UGT1A8: variants seen among roughly 807,000 people sequenced by gnomAD.
The protein encoded by UGT1A8 is UDP-glucuronosyltransferase 1A8.
A neutral mutation model predicts 45.3 loss-of-function variants in UGT1A8; 39 were observed. The observed-to-expected ratio is 0.86, with a 90% CI of 0.67 to 1.12. The LOEUF is 1.12. UGT1A8 is among the 50% of genes most tolerant of loss of function. The probability of loss-of-function intolerance (pLI) is 0.00; values close to 1 mark genes in which losing one functional copy is unlikely to be tolerated. For synonymous variants in UGT1A8, 275 were observed against 249.2 expected, an observed-to-expected ratio of 1.10 and a Z score of -0.97; for missense variants, 719 against 664.9, an observed-to-expected ratio of 1.08 and a Z score of -0.90.
Position 233,633,420 on chromosome 2 carries a change from G to C in UGT1A8, c.855+14858G>C, listed in dbSNP as rs550495858. 2.4e-4 allele frequency among the ~76,000 whole-genome samples: 37 copies of C among 152,280 alleles called. No individual in the cohort carries two copies. In the South Asian group the frequency reaches 7.7e-3, roughly 32 times the overall value. On this transcript the variant is annotated intron_variant, in intron 1 of 4. Coordinates refer to ENST00000373450, the MANE Select transcript of UGT1A8 (RefSeq NM_019076.5). ...CTCTTTGTACCTCTGGTAGAGTTCG[G>C]CTGTGAACTCATCTGGTCCTGGGTG...
rs1044101669 is a variant in UGT1A8, at chr2:233,635,826, C to G, written c.855+17264C>G. Among the ~76,000 whole-genome samples, 11 of 150,962 alleles carry G rather than the reference C, an allele frequency of 7.3e-5. 1 individual carries two copies. The highest frequency in any genetic ancestry group is 4.4e-5 in the Non-Finnish European group (3 of 67,924). On this transcript the variant is annotated intron_variant, in intron 1 of 4. Coordinates refer to ENST00000373450, the MANE Select transcript of UGT1A8 (RefSeq NM_019076.5). ...GCCCAGCAGAGTGTTCGCACAAGGA[C>G]TGGGCCAGCAACTCCCCACTGCATG...
chr2:233,622,082 A>G (rs1452084754), intron 1 of UGT1A8, among the ~76,000 whole-genome samples: 1 of 152,210 alleles, frequency 6.6e-6, no homozygotes, highest in African/African-American at 2.4e-5. Context: ...ATGGCTGCAT[A>G]GTATTCCATG....
At chr2:233,733,152 T>G (rs1034530556) in intron 1 of UGT1A8, among the ~76,000 whole-genome samples, 15 of 152,252 alleles carry the variant, frequency 9.9e-5, no homozygotes, top group African/African-American at 3.4e-4. Context: ...TTTTGCACAT[T>G]GATTTTGTAT....
At chr2:233,764,352 G>A (rs1698541814) in intron 1 of UGT1A8, among the ~76,000 whole-genome samples, 1 of 152,214 alleles carries the variant, frequency 6.6e-6, no homozygotes, top group Admixed American at 6.5e-5. Context: ...CCTTTATTGA[G>A]CCTCATAGTA....
intron 1 of UGT1A8, among the ~76,000 whole-genome samples, chr2:233,738,670 T>G (rs377285735): frequency 6.6e-6 from 1 of 152,186 alleles, no homozygotes; most frequent in African/African-American, 2.4e-5. Flanking sequence ...TTGAGAGAGA[T>G]GATCTGAAAT....
chr2:233,632,658 T>C (rs926580527), intron 1 of UGT1A8, among the ~76,000 whole-genome samples: 1 of 152,204 alleles, frequency 6.6e-6, no homozygotes, highest in Non-Finnish European at 1.5e-5. Flanking sequence ...ATAGGAATGC[T>C]TGTGATTTTT....
At chr2:233,771,789 T>TCCCA (rs1282834982) in intron 4 of UGT1A8, among the ~76,000 whole-genome samples, 7 of 144,234 alleles carry the variant, frequency 4.9e-5, no homozygotes, top group East Asian at 4.5e-4. Flanking sequence ...CCTCTCTCCC[T>TCCCA]CCCTCCCTCC....
rs1410118930 is a variant in UGT1A8 at position 233,618,387 on chromosome 2, C to T, written c.680C>T (p.Ala227Val). 6.2e-7 allele frequency: 1 copy of T among 1,613,866 alleles called. No individual in the cohort carries two copies. The highest frequency in any genetic ancestry group is 1.3e-5 in the African/African-American group (1 of 75,014). Residue 227 changes from alanine to valine, a missense_variant, in exon 1 of 5, where the codon GCC becomes GTC. By Grantham distance (64) the Ala-to-Val change is moderately conservative (BLOSUM62 0). Coordinates refer to ENST00000373450, the MANE Select transcript of UGT1A8 (RefSeq NM_019076.5). ...TTTTGCCAGTATTTTTCCAAAAATGCCCTAGAAATAGCCTCTGAAATTCTC... is the reference window on the plus strand; with the variant it reads ...TTTTGCCAGTATTTTTCCAAAAATGTCCTAGAAATAGCCTCTGAAATTCTC... ...HLFCQYFSKN[A>V]LEIASEILQT...
rs1334751612 is a variant in UGT1A8, at chr2:233,749,282, GTAGT to G, written c.856-17749_856-17746del. Among the ~76,000 whole-genome samples the G allele has an allele frequency of 7.2e-5, 11 of 151,846 alleles. 1 individual carries two copies. Among genetic ancestry groups the G allele is most frequent in the African/African-American group, 1.7e-4 (7 of 41,140 alleles). On this transcript the variant is annotated intron_variant, in intron 1 of 4. Coordinates refer to ENST00000373450, the MANE Select transcript of UGT1A8 (RefSeq NM_019076.5). ...TTGGTGATTTTCTCCCTTATGCAGT[GTAGT>G]TATTCAATTATAAAATATGTGTTTA...
chr2:233,681,811 A>T, intron 1 of UGT1A8: 2 of 1,488,256 alleles, frequency 1.3e-6, no homozygotes, highest in Non-Finnish European at 1.8e-6. Context: ...GTGAATGTGA[A>T]TTTTTTTTTA....
At chr2:233,619,567 T>A (rs1425641372) in intron 1 of UGT1A8, among the ~76,000 whole-genome samples, 1 of 152,180 alleles carries the variant, frequency 6.6e-6, no homozygotes, top group Non-Finnish European at 1.5e-5. Flanking sequence ...TTTATTCAGG[T>A]CTTGTTTTAT....
chr2:233,747,765 A>T, intron 1 of UGT1A8: 1 of 1,613,500 alleles, frequency 6.2e-7, no homozygotes, highest in Non-Finnish European at 8.5e-7. Context: ...CTTTAAGGGC[A>T]CACAGTGTCC....
At chr2:233,750,930 T>C (rs542704180) in intron 1 of UGT1A8, among the ~76,000 whole-genome samples, 12 of 151,872 alleles carry the variant, frequency 7.9e-5, no homozygotes, top group Non-Finnish European at 1.5e-4. Context: ...AAATGTGAGG[T>C]TGGAGCCCCC....
chr2:233,729,273 G>A (rs759495463), intron 1 of UGT1A8: 2 of 1,614,242 alleles, frequency 1.2e-6, no homozygotes, highest in Non-Finnish European at 1.7e-6. Context: ...AGGTCTTGCG[G>A]GAGCTCCATG....
At chr2:233,694,433 C>T (rs542980334) in intron 1 of UGT1A8, among the ~76,000 whole-genome samples, 1 of 152,210 alleles carries the variant, frequency 6.6e-6, no homozygotes, top group East Asian at 1.9e-4. Context: ...GCAAAGCCTA[C>T]ACATTTACTG....
chr2:233,735,337 CT>C (rs939538517), intron 1 of UGT1A8, among the ~76,000 whole-genome samples: 5 of 150,880 alleles, frequency 3.3e-5, no homozygotes, highest in East Asian at 3.9e-4. Flanking sequence ...GCAACCCCTG[CT>C]TTTTTTTTGC....
intron 1 of UGT1A8, among the ~76,000 whole-genome samples, chr2:233,646,373 T>C (rs2073603820): frequency 6.6e-6 from 1 of 152,238 alleles, no homozygotes; most frequent in African/African-American, 2.4e-5. Context: ...CTTATGGAAA[T>C]TTCTGCAGCC....
intron 1 of UGT1A8, among the ~76,000 whole-genome samples, chr2:233,764,044 G>C (rs1237715809): frequency 6.6e-6 from 1 of 152,166 alleles, no homozygotes; most frequent in Non-Finnish European, 1.5e-5. Flanking sequence ...AAGAATTCTG[G>C]GAAAATGAAA....
chr2:233,761,975 T>C (rs1697919951), intron 1 of UGT1A8, among the ~76,000 whole-genome samples: 1 of 152,208 alleles, frequency 6.6e-6, no homozygotes, highest in South Asian at 2.1e-4. Flanking sequence ...TGATATCACC[T>C]TCGGAGGTGA....
Sources: gnomAD v4.1 joint callset for allele counts (sites outside exome capture counted in the v4.1 genomes callset) on GRCh38, gnomAD v4.1.1 for gene constraint, MANE v1.5 for transcripts, NCBI Gene and HGNC (gene_info 2026-07-23, HGNC 2026-07-21) for gene names.